PLXNA4: variants seen among roughly 807,000 people sequenced by gnomAD.
PLXNA4 encodes plexin-A4.
A neutral mutation model predicts 191.8 loss-of-function variants in PLXNA4; 44 were observed. The ratio of observed to expected loss-of-function variants is 0.23; its 90% CI spans 0.18 to 0.29. PLXNA4 has a LOEUF of 0.29. Among genes scored for constraint, PLXNA4 ranks in the 10% least tolerant of loss-of-function variants. The probability of loss-of-function intolerance (pLI) is 1.00; values close to 1 mark genes in which losing one functional copy is unlikely to be tolerated. For synonymous variants in PLXNA4, 1,082 were observed against 1,009.5 expected, an observed-to-expected ratio of 1.07 and a Z score of -1.36; for missense variants, 1,800 against 2,488.8, an observed-to-expected ratio of 0.72 and a Z score of 5.89.
At chr7:132,486,502 A>G (rs1486051767) in intron 3 of PLXNA4, among the ~76,000 whole-genome samples, 1 of 152,206 alleles carries the variant, frequency 6.6e-6, no homozygotes, top group Non-Finnish European at 1.5e-5. Flanking sequence ...GTCTGCAGGC[A>G]CGGGAGCCGG....
In PLXNA4 at chr7:132,140,772, C is replaced by T. The variant is rs192307159; in HGVS notation, c.5265G>A (p.Pro1755=). ...LRFWVNMIKN[P]QFVFDIHKNS... The stretch of plus-strand genomic sequence containing the variant: ...TCTTATGGATGTCAAACACAAACTG[C>T]GGGTTCTTGATCATGTTGACCCAAA... Residue 1755 remains proline, a synonymous_variant, in exon 30 of 32, where the codon CCG becomes CCA. Coordinates refer to ENST00000321063, the MANE Select transcript of PLXNA4 (RefSeq NM_020911.2). The T allele has an allele frequency of 2.9e-4, 470 of 1,613,896 alleles. 1 individual carries two copies. The highest frequency in any genetic ancestry group is 2.1e-3 in the East Asian group (93 of 44,868).
rs1396367741 is a variant in PLXNA4 at position 132,508,059 on chromosome 7, C to T, written c.635G>A (p.Gly212Asp). Residue 212 changes from glycine to aspartate, a missense_variant, in exon 2 of 32, where the codon GGC becomes GAC. By Grantham distance (94) the Gly-to-Asp change is moderately conservative. Coordinates refer to ENST00000321063, the MANE Select transcript of PLXNA4 (RefSeq NM_020911.2). The surrounding 1 kb of genome is among the most constrained non-coding windows in gnomAD (Gnocchi z 4.4). ...ATCATGGAAGACGTACGCGAACATG[C>T]CATCCGCCTCAGAGTTCTTGGTCAG... is the stretch of plus-strand genomic sequence containing the variant. Reference protein sequence around the residue: ...RKLTKNSEADGMFAYVFHDEF... With the variant: ...RKLTKNSEADDMFAYVFHDEF... 2 of 1,614,200 alleles carry T rather than the reference C, an allele frequency of 1.2e-6. No individual in the cohort carries two copies. The highest frequency in any genetic ancestry group is 8.5e-7 in the Non-Finnish European group (1 of 1,180,038).
chr7:132,227,348 C>A, intron 7 of PLXNA4, 103 bp downstream of exon 7: 1 of 1,485,218 alleles, frequency 6.7e-7, no homozygotes, highest in Non-Finnish European at 9.1e-7. Context: ...CTCTGACTCT[C>A]TCCTGCCTGC....
chr7:132,201,983 T>C (rs1797452464), intron 12 of PLXNA4, among the ~76,000 whole-genome samples: 1 of 152,172 alleles, frequency 6.6e-6, no homozygotes, highest in Non-Finnish European at 1.5e-5. Flanking sequence ...CCACCGCACA[T>C]GTGAGGAAGG....
intron 3 of PLXNA4, among the ~76,000 whole-genome samples, chr7:132,474,636 A>G (rs181866360): frequency 0.014 from 2,169 of 151,782 alleles, 40 homozygotes; most frequent in African/African-American, 0.045. Context: ...ACACACACAC[A>G]CGCGCGCGCA....
intron 22 of PLXNA4, among the ~76,000 whole-genome samples, chr7:132,165,489 C>T (rs959498165): frequency 6.6e-6 from 1 of 152,124 alleles, no homozygotes; most frequent in African/African-American, 2.4e-5. Flanking sequence ...TCCAATTGCA[C>T]GTTCTGTGAT....
At chr7:132,306,109 A>T (rs570550844) in intron 3 of PLXNA4, among the ~76,000 whole-genome samples, 2 of 152,270 alleles carry the variant, frequency 1.3e-5, no homozygotes, top group East Asian at 1.9e-4. Flanking sequence ...TCAGGACAGA[A>T]GGAGGTCAGG....
At chr7:132,278,702 A>G (rs546941765) in intron 4 of PLXNA4, among the ~76,000 whole-genome samples, 2 of 152,198 alleles carry the variant, frequency 1.3e-5, no homozygotes, top group South Asian at 4.1e-4. Context: ...GGGCATATCC[A>G]CCCATGCTCA....
At chr7:132,195,334 T>C (rs187974422) in intron 13 of PLXNA4, among the ~76,000 whole-genome samples, 3 of 152,328 alleles carry the variant, frequency 2.0e-5, no homozygotes, top group Admixed American at 6.5e-5. Context: ...CATCTGATGA[T>C]TGCACTATCA....
At chr7:132,180,806 C>G in intron 18 of PLXNA4, 74 bp from the exon 19 acceptor site, 1 of 1,564,116 alleles carries the variant, frequency 6.4e-7, no homozygotes, top group East Asian at 2.3e-5. Context: ...TCATGTCCTC[C>G]CACCTGGAGG....
At chr7:132,563,399 C>T (rs1444674864) in intron 1 of PLXNA4, among the ~76,000 whole-genome samples, 2 of 94,920 alleles carry the variant, frequency 2.1e-5, no homozygotes, top group Admixed American at 9.9e-5. Flanking sequence ...CCTCTTTCTC[C>T]TCCTCCTCCT....
chr7:132,168,246 C>T, intron 22 of PLXNA4, 58 bp downstream of exon 22: 1 of 1,463,696 alleles, frequency 6.8e-7, no homozygotes, highest in South Asian at 1.5e-5. Context: ...CCCTGCAAGG[C>T]ACGGTGAGCC....
intron 13 of PLXNA4, among the ~76,000 whole-genome samples, chr7:132,195,904 G>T (rs567989399): frequency 6.6e-6 from 1 of 152,294 alleles, no homozygotes; most frequent in African/African-American, 2.4e-5. Flanking sequence ...TAAGTTGGTT[G>T]TTCTTTAACT....
At chr7:132,170,293 G>C (rs1161609426) in intron 21 of PLXNA4, among the ~76,000 whole-genome samples, 5 of 152,164 alleles carry the variant, frequency 3.3e-5, no homozygotes, top group Non-Finnish European at 7.4e-5. Flanking sequence ...TCCCCATGAG[G>C]GACCCTGTGA....
intron 2 of PLXNA4, among the ~76,000 whole-genome samples, chr7:132,637,670 T>C (rs1031364168): frequency 2.0e-5 from 3 of 152,150 alleles, no homozygotes; most frequent in Admixed American, 1.3e-4. Flanking sequence ...TGCCTCAGTT[T>C]CCCCACTTGT....
Position 132,414,219 on chromosome 7 carries a change from T to C in PLXNA4, c.1371+75073A>G, listed in dbSNP as rs565411282. ...GGGTACAGATGAACCCTGTTGCTGTTGTGATTAATAATCATAATAGACAGT... is the reference window on the plus strand; with the variant it reads ...GGGTACAGATGAACCCTGTTGCTGTCGTGATTAATAATCATAATAGACAGT... On this transcript the variant is annotated intron_variant, in intron 3 of 31. Transcript: ENST00000321063. 2.0e-5 allele frequency among the ~76,000 whole-genome samples: 3 copies of C among 152,330 alleles called. No homozygotes were observed. In the South Asian group the frequency reaches 6.2e-4, roughly 32 times the overall value.
At chr7:132,509,771 G>A (rs915625612) in intron 1 of PLXNA4, among the ~76,000 whole-genome samples, 1 of 152,108 alleles carries the variant, frequency 6.6e-6, no homozygotes, top group Non-Finnish European at 1.5e-5. Context: ...ACTACTGCAG[G>A]AGAAACTTTC....
At chr7:132,270,669 C>T (rs998508237) in intron 4 of PLXNA4, among the ~76,000 whole-genome samples, 2 of 152,182 alleles carry the variant, frequency 1.3e-5, no homozygotes, top group Non-Finnish European at 2.9e-5. Context: ...GAAATCAGTA[C>T]TGCTAATAAA....
chr7:132,148,701 A>T (rs545142592), intron 25 of PLXNA4, 55 bp from the exon 26 acceptor site: 1 of 1,611,344 alleles, frequency 6.2e-7, no homozygotes, highest in Non-Finnish European at 8.5e-7. Context: ...CTTGTGGGGA[A>T]GCTGAGGACC....
Sources: allele counts gnomAD v4.1 joint callset (sites outside exome capture counted in the v4.1 genomes callset), GRCh38; gene constraint gnomAD v4.1.1; non-coding constraint Gnocchi (gnomAD v3.1); transcripts MANE v1.5; gene names NCBI Gene and HGNC (gene_info 2026-07-23, HGNC 2026-07-21).